Variants in CA11 observed in about 807,000 individuals in gnomAD.
The protein encoded by CA11 is carbonic anhydrase-related protein 11.
CA11 carries 20 observed loss-of-function variants against 39.3 expected under a neutral mutation model. The ratio of observed to expected loss-of-function variants is 0.51; its 90% confidence interval spans 0.36 to 0.74. The LOEUF (loss-of-function observed/expected upper bound fraction) is 0.74, where lower values mean the gene tolerates loss of function less well. CA11 is among the 30% of genes least tolerant of loss of function. The pLI is 0.00. For missense variants in CA11, 336 were observed against 424.6 expected, an observed-to-expected ratio of 0.79 and a Z score of 1.83; for synonymous variants, 166 against 172.5, an observed-to-expected ratio of 0.96 and a Z score of 0.29.
intron 2 of CA11, 90 bp downstream of exon 2, chr19:48,645,313 G>A (rs570511339): frequency 8.7e-7 from 1 of 1,150,892 alleles, no homozygotes; most frequent in South Asian, 1.4e-5. Context: ...TGGTCCTGGG[G>A]GGGAGGAGGG....
intron 4 of CA11, 65 bp from the exon 5 acceptor site, chr19:48,639,948 G>T: frequency 6.5e-7 from 1 of 1,549,884 alleles, no homozygotes; most frequent in Non-Finnish European, 8.9e-7. Flanking sequence ...CCCAGCTTTG[G>T]GGGCCCGAAT....
intron 3 of CA11, 89 bp from the exon 4 acceptor site, chr19:48,640,369 T>C: frequency 5.9e-6 from 2 of 340,718 alleles, no homozygotes; most frequent in Non-Finnish European, 9.0e-6. Flanking sequence ...CCAACAGTCT[T>C]TTTTTTTTTT....
intron 3 of CA11, 38 bp from the exon 4 acceptor site, chr19:48,640,318 G>GATCTTTT: frequency 1.4e-6 from 2 of 1,398,762 alleles, no homozygotes; most frequent in Non-Finnish European, 2.0e-6. Context: ...GGCAGGGAGA[G>GATCTTTT]ATCTTTTATC....
chr19:48,643,971 C>T lies in CA11; in HGVS notation c.285+456G>A, dbSNP rs1462359969. 1.3e-5 allele frequency among the ~76,000 whole-genome samples: 2 copies of T among 151,970 alleles called. No individual in the cohort carries two copies. The highest frequency in any genetic ancestry group is 2.9e-5 in the Non-Finnish European group (2 of 68,000). On this transcript the variant is annotated intron_variant, in intron 3 of 8. Coordinates refer to ENST00000084798, the MANE Select transcript of CA11 (RefSeq NM_001217.5). This position sits in a 1 kb window ranked among gnomAD's most constrained non-coding sequence, Gnocchi z 4.3. ...TTAGCTGGGCGTGATGGTGCGCATG[C>T]CTGTAATCCCAACTACTCGGGAGGC...
rs190574127 is a variant in CA11, at chr19:48,643,601, G to A, written c.285+826C>T. Reference sequence around the variant, plus strand: ...GCTATGACTGGGCCACTGCACTCCAGCCTGGGTCACAGAGTGAGATCCCAA... The same window carrying A: ...GCTATGACTGGGCCACTGCACTCCAACCTGGGTCACAGAGTGAGATCCCAA... On this transcript the variant is annotated intron_variant, in intron 3 of 8. Transcript: ENST00000084798. This position sits in a 1 kb window ranked among gnomAD's most constrained non-coding sequence, Gnocchi z 4.3. Among the ~76,000 whole-genome samples, 212 of 150,490 alleles carry A rather than the reference G, an allele frequency of 1.4e-3. No individual in the cohort carries two copies. Among genetic ancestry groups the A allele is most frequent in the Middle Eastern group, 0.01 (3 of 288 alleles).
chr19:48,644,786 G>C (rs1306360496), intron 2 of CA11, among the ~76,000 whole-genome samples: 1 of 152,084 alleles, frequency 6.6e-6, no homozygotes, highest in Non-Finnish European at 1.5e-5. Flanking sequence ...AGCAGAGACG[G>C]GTTTCACCAA....
intron 3 of CA11, among the ~76,000 whole-genome samples, chr19:48,642,374 C>G (rs867970128): frequency 2.2e-4 from 34 of 152,144 alleles, no homozygotes; most frequent in Middle Eastern, 6.8e-3. Context: ...CGGTGGGCGC[C>G]TGTAATCCCA....
Position 48,646,098 on chromosome 19 carries a change from G to T in CA11, c.-466C>A. The T allele has an allele frequency of 3.5e-6, 1 of 286,904 alleles. No individual in the cohort carries two copies. Among genetic ancestry groups the T allele is most frequent in the Non-Finnish European group, 6.4e-6 (1 of 156,066 alleles). The allele number at this position is 286,904 out of a possible 1,614,324, so 17.8% of individuals were successfully genotyped here. A position where few individuals can be genotyped will look rare whatever the true frequency, so the allele number is the denominator to read the frequency against. ...CCTCTCTCCTTCTTCACCTCCTCCC[G>T]CCCTCCCTCAGTGTCGGCCTCCAGC... On this transcript the variant is annotated 5_prime_UTR_variant, in exon 1 of 9. Coordinates refer to ENST00000084798, the MANE Select transcript of CA11 (RefSeq NM_001217.5).
In CA11 at chr19:48,645,676, C is replaced by A; in HGVS notation, c.-44G>T. 1.4e-6 allele frequency: 2 copies of A among 1,429,770 alleles called. No individual in the cohort carries two copies. The highest frequency in any genetic ancestry group is 2.7e-5 in the South Asian group (2 of 72,804). The allele number at this position is 1,429,770 out of a possible 1,614,324, so 88.6% of individuals were successfully genotyped here. On this transcript the variant is annotated 5_prime_UTR_variant, in exon 1 of 9. Coordinates refer to ENST00000084798, the MANE Select transcript of CA11 (RefSeq NM_001217.5). ...GGACCCCTGCCCAACGCCCTGCCCCCCTCTCTCAGCTCCTCTGTCCCCTCC... is the reference window on the plus strand; with the variant it reads ...GGACCCCTGCCCAACGCCCTGCCCCACTCTCTCAGCTCCTCTGTCCCCTCC...
chr19:48,644,542 G>A lies in CA11; in HGVS notation c.170C>T (p.Ala57Val). The A allele has an allele frequency of 6.2e-7, 1 of 1,602,806 alleles. No individual in the cohort carries two copies. Among genetic ancestry groups the A allele is most frequent in the Non-Finnish European group, 8.5e-7 (1 of 1,173,364 alleles). Residue 57 changes from alanine to valine, a missense_variant, in exon 3 of 9, where the codon GCA (alanine) becomes GTA (valine). Physicochemically the swap from Ala to Val is moderately conservative, Grantham distance 64. Transcript: ENST00000084798. Reference protein sequence around the residue: ...PGPPFWGLVNAAWSLCAVGKR... With the variant: ...PGPPFWGLVNVAWSLCAVGKR... ...CCCCACAGCACACAGACTCCACGCTGCATTCACCAGGCCCCAGAAAGGAGG... is the reference window on the plus strand; with the variant it reads ...CCCCACAGCACACAGACTCCACGCTACATTCACCAGGCCCCAGAAAGGAGG...
chr19:48,642,036 T>A (rs2031104250), intron 3 of CA11, among the ~76,000 whole-genome samples: 1 of 151,958 alleles, frequency 6.6e-6, no homozygotes, highest in Non-Finnish European at 1.5e-5. Flanking sequence ...GAGAAGGGCA[T>A]TCCAAGAAGA....
At chr19:48,639,922 G>C in intron 4 of CA11, 39 bp from the exon 5 acceptor site, 1 of 1,586,912 alleles carries the variant, frequency 6.3e-7, no homozygotes, top group Non-Finnish European at 8.7e-7. Flanking sequence ...CCAGCAGAAG[G>C]GGAGGAGAGC....
In CA11 at chr19:48,645,361, C is replaced by T; in HGVS notation, c.142+42G>A. 3 of 1,533,690 alleles carry T rather than the reference C, an allele frequency of 2.0e-6. No individual in the cohort carries two copies. The South Asian group carries it at 3.6e-5, about 18-fold the overall frequency. Reference sequence around the variant, plus strand: ...AGGTTCCTGAGTCTGAAGAAGGAGGCGCCGGGAGGGCCGGACTCCTGGGTC... The same window carrying T: ...AGGTTCCTGAGTCTGAAGAAGGAGGTGCCGGGAGGGCCGGACTCCTGGGTC... On this transcript the variant is annotated intron_variant, in intron 2 of 8. Transcript: ENST00000084798.
In CA11 at chr19:48,639,586, G is replaced by C. The variant is rs150549053; in HGVS notation, c.603C>G (p.Leu201=). The change falls in exon 6 of 9, where the codon CTC becomes CTG. Residue 201 remains leucine (L), a synonymous_variant. Transcript: ENST00000084798. The part of the protein sequence containing the change: ...ASTSNPFLSR[L]LNRDTITRIS... ...TGCGAGTGATGGTGTCGCGGTTAAG[G>C]AGGCGACTGAGGAATGGGTTAGAGG... 3.1e-4 allele frequency: 506 copies of C among 1,613,978 alleles called. 3 individuals are homozygous for C. In the African/African-American group the frequency reaches 6.1e-3, roughly 20 times the overall value.
chr19:48,638,423 T>C, intron 8 of CA11: 1 of 938,810 alleles, frequency 1.1e-6, no homozygotes, highest in Non-Finnish European at 1.3e-6. Context: ...CGGGGGTGTG[T>C]GAGATTCCTG....
intron 1 of CA11, 33 bp from the exon 2 acceptor site, chr19:48,645,510 G>A: frequency 1.3e-6 from 2 of 1,599,870 alleles, no homozygotes; most frequent in Non-Finnish European, 1.7e-6. Flanking sequence ...CCCTCTCCTT[G>A]GCATCCCCAC....
intron 3 of CA11, among the ~76,000 whole-genome samples, chr19:48,642,789 T>A (rs933022008): frequency 9.9e-5 from 15 of 151,778 alleles, no homozygotes; most frequent in African/African-American, 3.2e-4. Context: ...GCGTGATAGG[T>A]GAAAGGATTT....
At chr19:48,644,394 G>A (rs761518886) in intron 3 of CA11, 33 bp downstream of exon 3, 17 of 1,528,666 alleles carry the variant, frequency 1.1e-5, no homozygotes, top group Non-Finnish European at 1.4e-5. Flanking sequence ...CATCCCCAGT[G>A]GGTTCAATAG....
chr19:48,638,382 G>A lies in CA11; in HGVS notation c.962-238C>T. The stretch of plus-strand genomic sequence containing the variant: ...CTACTTGAAGGTCTTCATGGGGGGG[G>A]GGGGGTGTGGACTGTACCATGTTGC... On this transcript the variant is annotated intron_variant, in intron 8 of 8. Transcript: ENST00000084798. 2 of 355,104 alleles carry A rather than the reference G, an allele frequency of 5.6e-6. 1 individual carries two copies. Among genetic ancestry groups the A allele is most frequent in the Non-Finnish European group, 7.7e-6 (2 of 258,406 alleles). 22.0% of individuals were successfully genotyped at this position (355,104 alleles called of 1,614,324 possible).
Sources: allele counts gnomAD v4.1 joint callset (sites outside exome capture counted in the v4.1 genomes callset), GRCh38; gene constraint gnomAD v4.1.1; non-coding constraint Gnocchi (gnomAD v3.1); transcripts MANE v1.5; gene names NCBI Gene and HGNC (gene_info 2026-07-23, HGNC 2026-07-21).